The following TP53AIP1 variants were observed in gnomAD, a reference collection of about 807,000 sequenced individuals.
TP53AIP1 encodes the protein tumor protein p53 regulated apoptosis inducing protein 1, also known as p53-regulated apoptosis-inducing protein 1.
A neutral mutation model predicts 9.5 loss-of-function variants in TP53AIP1; 14 were observed. The ratio of observed to expected loss-of-function variants is 1.47; its 90% confidence interval spans 0.97 to 2.30. TP53AIP1 has a LOEUF of 2.30. Among genes scored for constraint, TP53AIP1 ranks in the 30% most tolerant of loss-of-function variants. The pLI is 0.00. For missense variants in TP53AIP1, 153 were observed against 146.7 expected (o/e 1.04, Z -0.22); for synonymous variants, 73 against 61.2 (o/e 1.19, Z -0.90).
At chr11:128,942,508 T>C (rs1390237942) in intron 1 of TP53AIP1, among the ~76,000 whole-genome samples, 2 of 152,196 alleles carry the variant, frequency 1.3e-5, no homozygotes, top group Non-Finnish European at 2.9e-5. Flanking sequence ...CTGTTAGAGA[T>C]ACACATTTTT....
At chr11:128,936,041 G>A (rs1177305017) in intron 3 of TP53AIP1, 3 of 789,178 alleles carry the variant, frequency 3.8e-6, no homozygotes, top group Non-Finnish European at 4.8e-6. Context: ...CAGTGAATCT[G>A]TGAGATGGAA....
chr11:128,936,625 C>T lies in TP53AIP1; in HGVS notation c.166G>A (p.Ala56Thr), dbSNP rs368978732. The T allele has an allele frequency of 4.4e-6, 7 of 1,587,392 alleles. No homozygotes were observed. The highest frequency in any genetic ancestry group is 1.3e-5 in the African/African-American group (1 of 74,782). The change falls in exon 3 of 4, where the codon GCC becomes ACC. Residue 56 changes from alanine to threonine, a missense_variant. Transcript: ENST00000531399. ...CCCCGGCACCCTCCGTGAACTTGGG[C>T]ACCCAAAACTAAGGGATCTGAAACC... ...GWVSDPLVLG[A>T]QVHGGCRGIE... is the part of the protein sequence containing the mutation.
Position 128,937,310 on chromosome 11 carries a change from C to A in TP53AIP1, c.141+368G>T, listed in dbSNP as rs1266801184. 3 of 1,379,162 alleles carry A rather than the reference C, an allele frequency of 2.2e-6. No individual in the cohort carries two copies. Among genetic ancestry groups the A allele is most frequent in the South Asian group, 3.7e-5 (2 of 54,054 alleles). 85.4% of individuals were successfully genotyped at this position (1,379,162 alleles called of 1,614,324 possible). ...GCCCTGCACCCCAGCCTTCCCTCCC[C>A]ATGCGCTCCACATGCGTCCTTTGTT... On this transcript the variant is annotated intron_variant, in intron 2 of 3. Transcript: ENST00000531399. This position sits in a 1 kb window ranked among gnomAD's most constrained non-coding sequence, Gnocchi z 4.8.
rs1944796933 is a variant in TP53AIP1, at chr11:128,935,507, GCTTT to G, written c.*80_*83del. 9.9e-6 allele frequency: 14 copies of G among 1,407,782 alleles called. No homozygotes were observed. Among genetic ancestry groups the G allele is most frequent in the Non-Finnish European group, 1.3e-5 (14 of 1,074,842 alleles). The allele number at this position is 1,407,782 out of a possible 1,614,324, so 87.2% of individuals were successfully genotyped here. On this transcript the variant is annotated 3_prime_UTR_variant, in exon 4 of 4. Coordinates refer to ENST00000531399, the MANE Select transcript of TP53AIP1 (RefSeq NM_022112.3). ...AGCGCTGGAGCCATTTCTCGACGGT[GCTTT>G]CTGTTTGTTTGTTTGTTTTTGTTTT...
At chr11:128,936,782 G>C in intron 2 of TP53AIP1, 133 bp from the exon 3 acceptor site, 1 of 1,435,082 alleles carries the variant, frequency 7.0e-7, no homozygotes, top group Non-Finnish European at 9.1e-7. Context: ...TGATGACGCT[G>C]CCACTCAGGT....
chr11:128,939,296 C>T lies in TP53AIP1; in HGVS notation c.-76-1402G>A, dbSNP rs1223983335. ...GGACTCCCAAATCCCAGCAGCAATG[C>T]AAAGCCACCCCCAGAAGAGCTGCCC... On this transcript the variant is annotated intron_variant, in intron 1 of 3. Transcript: ENST00000531399. The surrounding 1 kb of genome is among the most constrained non-coding windows in gnomAD (Gnocchi z 4.1). 6.6e-6 allele frequency among the ~76,000 whole-genome samples: 1 copy of T among 152,184 alleles called. No homozygotes were observed. Among genetic ancestry groups the T allele is most frequent in the Admixed American group, 6.5e-5 (1 of 15,286 alleles).
intron 3 of TP53AIP1, chr11:128,936,235 T>C: frequency 2.7e-6 from 3 of 1,116,104 alleles, no homozygotes; most frequent in South Asian, 3.1e-5. Flanking sequence ...TCATTCCAAA[T>C]CTGTCCTATT....
intron 1 of TP53AIP1, among the ~76,000 whole-genome samples, chr11:128,942,485 A>C (rs1944967006): frequency 6.6e-6 from 1 of 152,234 alleles, no homozygotes; most frequent in South Asian, 2.1e-4. Flanking sequence ...CGGCGTCAGC[A>C]TCGCCCAGGA....
At chr11:128,935,314 C>T (rs777577815), downstream of TP53AIP1, 59 of 1,417,438 alleles carry the variant, frequency 4.2e-5, no homozygotes, top group East Asian at 1.3e-4. Flanking sequence ...GGAGATGCAT[C>T]GTTTTTAGTT....
At chr11:128,936,153 A>G (rs973506554) in intron 3 of TP53AIP1, 1 of 1,036,592 alleles carries the variant, frequency 9.6e-7, no homozygotes, top group African/African-American at 1.7e-5. Flanking sequence ...TCAGGATTTG[A>G]ACCCAGACCC....
At chr11:128,934,838 C>A (rs1204844580), downstream of TP53AIP1, 2 of 590,446 alleles carry the variant, frequency 3.4e-6, no homozygotes, top group African/African-American at 1.9e-5. Flanking sequence ...GTTGTGGCAT[C>A]CAATGTGGGC....
At chr11:128,935,229 A>G, downstream of TP53AIP1, 1 of 1,362,952 alleles carries the variant, frequency 7.3e-7, no homozygotes, top group Non-Finnish European at 9.8e-7. Context: ...TTGGAAGTGC[A>G]TACTGGGAGT....
downstream of TP53AIP1, chr11:128,935,060 C>T (rs2186833): frequency 0.21 from 145,946 of 703,866 alleles, 17,045 homozygotes; most frequent in South Asian, 0.37. Flanking sequence ...AAACACAAAA[C>T]AAAACCAAGC....
rs1944902359 is a variant in TP53AIP1, at chr11:128,939,618, A to G, written c.-76-1724T>C. Among the ~76,000 whole-genome samples, 1 of 152,242 alleles carries G rather than the reference A, an allele frequency of 6.6e-6. No individual in the cohort carries two copies. The highest frequency in any genetic ancestry group is 2.4e-5 in the African/African-American group (1 of 41,474). ...TGATGCACTGCCTTACTGTCCAGAC[A>G]GAACAAAAGGGATCCCCTTTCCAAC... On this transcript the variant is annotated intron_variant, in intron 1 of 3. Transcript: ENST00000531399. This position sits in a 1 kb window ranked among gnomAD's most constrained non-coding sequence, Gnocchi z 4.1.
chr11:128,940,411 C>A (rs545028009), intron 1 of TP53AIP1, among the ~76,000 whole-genome samples: 1 of 152,200 alleles, frequency 6.6e-6, no homozygotes, highest in South Asian at 2.1e-4. Context: ...AATGTGCTAG[C>A]ATTAAGAGGT....
Position 128,936,622 on chromosome 11 carries a change from G to A in TP53AIP1, c.169C>T (p.Gln57Ter). The part of the protein sequence containing the change: ...WVSDPLVLGA[Q>*]VHGGCRGIEA... ...ATTCCCCGGCACCCTCCGTGAACTT[G>A]GGCACCCAAAACTAAGGGATCTGAA... Residue 57 changes from glutamine (Q) to a stop codon, truncating the protein, a stop_gained, in exon 3 of 4, where the codon CAA (glutamine) becomes TAA (stop). Coordinates refer to ENST00000531399, the MANE Select transcript of TP53AIP1 (RefSeq NM_022112.3). LOFTEE classifies it high-confidence loss of function. The A allele has an allele frequency of 6.3e-7, 1 of 1,587,818 alleles. No homozygotes were observed.
downstream of TP53AIP1, chr11:128,935,013 T>C (rs1944782339): frequency 2.8e-6 from 2 of 702,948 alleles, no homozygotes; most frequent in Non-Finnish European, 5.2e-6. Flanking sequence ...ATGAGGCAGC[T>C]CTGCACACAG....
Position 128,937,476 on chromosome 11 carries a change from C to G in TP53AIP1, c.141+202G>C. ...AGGAGGGCTGGCCTTCCTCTTGGGACTATTGATCAGGGCTGTCAGTTCCCA... is the reference window on the plus strand; with the variant it reads ...AGGAGGGCTGGCCTTCCTCTTGGGAGTATTGATCAGGGCTGTCAGTTCCCA... On this transcript the variant is annotated intron_variant, in intron 2 of 3. Transcript: ENST00000531399. The surrounding 1 kb of genome is among the most constrained non-coding windows in gnomAD (Gnocchi z 4.8). 1 of 1,550,516 alleles carries G rather than the reference C, an allele frequency of 6.4e-7. No individual in the cohort carries two copies. The highest frequency in any genetic ancestry group is 8.7e-7 in the Non-Finnish European group (1 of 1,145,014).
Position 128,937,441 on chromosome 11 carries a change from T to C in TP53AIP1, c.141+237A>G. 1 of 1,488,068 alleles carries C rather than the reference T, an allele frequency of 6.7e-7. No individual in the cohort carries two copies. Among genetic ancestry groups the C allele is most frequent in the Non-Finnish European group, 8.9e-7 (1 of 1,120,004 alleles). The allele number at this position is 1,488,068 out of a possible 1,614,324, so 92.2% of individuals were successfully genotyped here. On this transcript the variant is annotated intron_variant, in intron 2 of 3. Transcript: ENST00000531399. The surrounding 1 kb of genome is among the most constrained non-coding windows in gnomAD (Gnocchi z 4.8). The stretch of plus-strand genomic sequence containing the variant: ...TTTCTGCCTCCTAGAAACCCAGGAT[T>C]CCGAGGAGGAGGAGGGCTGGCCTTC...
Sources: allele counts gnomAD v4.1 joint callset (sites outside exome capture counted in the v4.1 genomes callset), GRCh38; gene constraint gnomAD v4.1.1; non-coding constraint Gnocchi (gnomAD v3.1); transcripts MANE v1.5; gene names NCBI Gene and HGNC (gene_info 2026-07-23, HGNC 2026-07-21).